SLC14A2: variants seen among roughly 807,000 people sequenced by gnomAD.
SLC14A2 encodes solute carrier family 14 member 2.
A neutral mutation model predicts 104.6 loss-of-function variants in SLC14A2; 91 were observed. The observed-to-expected ratio is 0.87, with a 90% CI of 0.73 to 1.04. The LOEUF is 1.04. SLC14A2 is among the 50% of genes least tolerant of loss of function. The pLI is 0.00. For missense variants in SLC14A2, 1,189 were observed against 1,156.0 expected, an observed-to-expected ratio of 1.03 and a Z score of -0.41; for synonymous variants, 476 against 466.4, an observed-to-expected ratio of 1.02 and a Z score of -0.27.
intron 1 of SLC14A2, 52 bp downstream of exon 1, chr18:45,615,634 C>G (rs1180978973): frequency 6.6e-6 from 1 of 150,710 alleles, no homozygotes; most frequent in Non-Finnish European, 1.5e-5. Flanking sequence ...CACCCACTCT[C>G]AGGTAGTTCT....
intron 1 of SLC14A2, among the ~76,000 whole-genome samples, chr18:45,422,100 C>A (rs78981573): frequency 1.3e-5 from 2 of 152,078 alleles, no homozygotes; most frequent in Admixed American, 6.6e-5. Context: ...CAAAGAGGCC[C>A]GAGGGTCTTG....
At chr18:45,385,808 A>G (rs1178676985) in intron 1 of SLC14A2, among the ~76,000 whole-genome samples, 1 of 152,216 alleles carries the variant, frequency 6.6e-6, no homozygotes, top group Non-Finnish European at 1.5e-5. Context: ...GAGGCAATAC[A>G]GATGTTAGGG....
chr18:45,484,033 A>G (rs1365817857), intron 2 of SLC14A2, among the ~76,000 whole-genome samples: 2 of 152,230 alleles, frequency 1.3e-5, no homozygotes, highest in Non-Finnish European at 2.9e-5. Flanking sequence ...GTAACAGATA[A>G]CATTCAAACT....
chr18:45,211,083 C>T (rs939304830), upstream of SLC14A2, among the ~76,000 whole-genome samples: 15 of 152,166 alleles, frequency 9.9e-5, no homozygotes, highest in East Asian at 1.9e-4. Flanking sequence ...AATGTTCTTA[C>T]GGATCTGAAG....
intron 1 of SLC14A2, among the ~76,000 whole-genome samples, chr18:45,364,186 C>A (rs374358646): frequency 4.6e-5 from 7 of 152,296 alleles, no homozygotes; most frequent in African/African-American, 1.7e-4. Context: ...ACATTTTATT[C>A]CCTGCTCTAG....
At chr18:45,358,472 T>C (rs1026333974) in intron 1 of SLC14A2, among the ~76,000 whole-genome samples, 24 of 152,204 alleles carry the variant, frequency 1.6e-4, no homozygotes, top group Non-Finnish European at 2.9e-4. Context: ...CAGATGAAAC[T>C]CTGTAAAATG....
intron 1 of SLC14A2, among the ~76,000 whole-genome samples, chr18:45,236,853 C>T (rs2084259975): frequency 6.6e-6 from 1 of 152,048 alleles, no homozygotes; most frequent in Non-Finnish European, 1.5e-5. Flanking sequence ...GAAACATCCC[C>T]TTTTAGATCT....
intron 1 of SLC14A2, among the ~76,000 whole-genome samples, chr18:45,445,735 A>G: frequency 6.6e-6 from 1 of 152,220 alleles, no homozygotes; most frequent in Non-Finnish European, 1.5e-5. Flanking sequence ...GATATCACAG[A>G]TGGAGTAGGC....
chr18:45,618,426 T>C (rs2045108107), intron 1 of SLC14A2, among the ~76,000 whole-genome samples: 4 of 152,042 alleles, frequency 2.6e-5, no homozygotes, highest in Admixed American at 1.3e-4. Context: ...CCCAGCACTT[T>C]GGGAGGCCCA....
intron 1 of SLC14A2, among the ~76,000 whole-genome samples, chr18:45,274,299 A>G (rs1427017778): frequency 6.6e-6 from 1 of 152,204 alleles, no homozygotes. Flanking sequence ...TGGCTGAATG[A>G]GAAAATTTTA....
chr18:45,447,610 A>C (rs1269172216), intron 1 of SLC14A2: 1 of 152,210 alleles, frequency 6.6e-6, no homozygotes, highest in Non-Finnish European at 1.5e-5. Context: ...ATTGTAATAT[A>C]TTTGAAAAAT....
chr18:45,308,499 C>T (rs565343415), intron 1 of SLC14A2, among the ~76,000 whole-genome samples: 4 of 152,312 alleles, frequency 2.6e-5, no homozygotes, highest in South Asian at 2.1e-4. Flanking sequence ...CCATATTAAT[C>T]GCTGAACATC....
chr18:45,184,523 C>T, the SLC14A2 span, among the ~76,000 whole-genome samples: 1 of 152,182 alleles, frequency 6.6e-6, no homozygotes, highest in African/African-American at 2.4e-5. Flanking sequence ...ATCCTTGTCT[C>T]ACACCAAGCC....
At chr18:45,514,402 G>C (rs2043409013) in intron 2 of SLC14A2, among the ~76,000 whole-genome samples, 1 of 152,120 alleles carries the variant, frequency 6.6e-6, no homozygotes, top group Non-Finnish European at 1.5e-5. Flanking sequence ...TAAACTATTA[G>C]AAACCACCCC....
chr18:45,411,742 T>G (rs2086217753), intron 1 of SLC14A2, among the ~76,000 whole-genome samples: 1 of 151,964 alleles, frequency 6.6e-6, no homozygotes, highest in Non-Finnish European at 1.5e-5. Flanking sequence ...GAATGTCAGA[T>G]AAAGCCACCA....
chr18:45,581,105 C>T (rs371035561), intron 2 of SLC14A2, among the ~76,000 whole-genome samples: 1 of 152,170 alleles, frequency 6.6e-6, no homozygotes, highest in Admixed American at 6.5e-5. Context: ...TTGTCATCTT[C>T]TCTCACTGTG....
intron 1 of SLC14A2, among the ~76,000 whole-genome samples, chr18:45,460,084 T>C (rs1173670154): frequency 2.6e-5 from 4 of 152,214 alleles, no homozygotes; most frequent in East Asian, 1.9e-4. Flanking sequence ...GATAGAGCCA[T>C]TGGGTTCTGA....
intron 1 of SLC14A2, among the ~76,000 whole-genome samples, chr18:45,376,305 T>C (rs1209092140): frequency 6.6e-6 from 1 of 152,170 alleles, no homozygotes; most frequent in East Asian, 1.9e-4. Context: ...CCTTGCACAG[T>C]GTCTGCCACA....
At chr18:45,249,609 A>G (rs1192020994) in intron 1 of SLC14A2, among the ~76,000 whole-genome samples, 1 of 152,092 alleles carries the variant, frequency 6.6e-6, no homozygotes, top group Non-Finnish European at 1.5e-5. Flanking sequence ...CTCTCCTTAC[A>G]TCCAGGCACA....
Sources: allele counts gnomAD v4.1 joint callset (sites outside exome capture counted in the v4.1 genomes callset), GRCh38; gene constraint gnomAD v4.1.1; transcripts MANE v1.5; gene names NCBI Gene and HGNC (gene_info 2026-07-23, HGNC 2026-07-21).